The following SS18L1 variants were observed in gnomAD, a reference collection of about 807,000 sequenced individuals.
SS18L1 encodes the protein calcium-responsive transactivator.
SS18L1 carries 32 observed loss-of-function variants against 70.3 expected under a neutral mutation model. The ratio of observed to expected loss-of-function variants is 0.46; its 90% CI spans 0.34 to 0.61. The LOEUF (loss-of-function observed/expected upper bound fraction) is 0.61. Among genes scored for constraint, SS18L1 ranks in the 20% least tolerant of loss-of-function variants. SS18L1 has a pLI of 0.01. For missense variants in SS18L1, 430 were observed against 542.1 expected (o/e 0.79, Z 2.05); for synonymous variants, 237 against 229.7 (o/e 1.03, Z -0.29).
At chr20:62,144,494 G>T (rs1420023721) in intron 1 of SS18L1, among the ~76,000 whole-genome samples, 1 of 152,212 alleles carries the variant, frequency 6.6e-6, no homozygotes, top group Admixed American at 6.5e-5. Flanking sequence ...CCCCATTTGC[G>T]GGGCATCGTT....
In SS18L1 at chr20:62,172,908, G is replaced by A. The variant is rs529470381; in HGVS notation, c.1036+107G>A. ...GCCAGCAGAGCTACCCTGGGCAGCA[G>A]CAGGGCTACGGTAAGAGGCGAGCAC... On this transcript the variant is annotated intron_variant, in intron 9 of 10. Coordinates refer to ENST00000331758, the MANE Select transcript of SS18L1 (RefSeq NM_198935.3). 9.8e-5 allele frequency: 153 copies of A among 1,553,894 alleles called. 1 individual carries two copies. The highest frequency in any genetic ancestry group is 3.8e-4 in the South Asian group (32 of 84,796).
chr20:62,173,733 AGGCTCAGTGTGGT>A (rs2057572030), intron 9 of SS18L1, among the ~76,000 whole-genome samples: 1 of 151,938 alleles, frequency 6.6e-6, no homozygotes, highest in African/African-American at 2.4e-5. Context: ...AAATTACTTG[AGGCTCAGTGTGGT>A]GGCTCATGTC....
At chr20:62,168,380 TTGAAGA>T (rs2057472054) in intron 8 of SS18L1, among the ~76,000 whole-genome samples, 1 of 152,142 alleles carries the variant, frequency 6.6e-6, no homozygotes, top group African/African-American at 2.4e-5. Flanking sequence ...ATGCTTTGCT[TTGAAGA>T]GATTGGCGGA....
At chr20:62,149,561 C>G (rs58569883) in intron 1 of SS18L1, among the ~76,000 whole-genome samples, 1,809 of 152,326 alleles carry the variant, frequency 0.012, 41 homozygotes, top group African/African-American at 0.041. Context: ...TGGGGCAGGC[C>G]GGGCCTCCTG....
At chr20:62,175,976 G>T (rs982268734) in intron 10 of SS18L1, among the ~76,000 whole-genome samples, 1 of 152,248 alleles carries the variant, frequency 6.6e-6, no homozygotes, top group African/African-American at 2.4e-5. Context: ...TGTGCTGGGC[G>T]CTGGTCAGCG....
At chr20:62,146,360 C>T (rs962979609) in intron 1 of SS18L1, among the ~76,000 whole-genome samples, 1 of 152,186 alleles carries the variant, frequency 6.6e-6, no homozygotes, top group Admixed American at 6.5e-5. Flanking sequence ...TCATCTGTGA[C>T]GCTGGTCCCA....
chr20:62,165,041 C>T (rs544960718), intron 7 of SS18L1, among the ~76,000 whole-genome samples: 139 of 152,342 alleles, frequency 9.1e-4, no homozygotes, highest in African/African-American at 3.2e-3. Flanking sequence ...GCCACCCTGG[C>T]CACGTGATGG....
At chr20:62,163,745 G>GCGGGGAGCCTGGGGGAGTGAGT in intron 6 of SS18L1, 123 bp downstream of exon 6, 1 of 1,332,988 alleles carries the variant, frequency 7.5e-7, no homozygotes, top group Non-Finnish European at 9.9e-7. Flanking sequence ...GGGGAGTGAG[G>GCGGGGAGCCTGGGGGAGTGAGT]CTTGGCGCCT....
At chr20:62,149,509 C>G (rs929292205) in intron 1 of SS18L1, among the ~76,000 whole-genome samples, 5 of 152,208 alleles carry the variant, frequency 3.3e-5, no homozygotes, top group African/African-American at 1.2e-4. Flanking sequence ...CTTGGTGTTA[C>G]CAGGATGGGG....
intron 1 of SS18L1, among the ~76,000 whole-genome samples, chr20:62,150,058 C>CATGT (rs1235956427): frequency 3.9e-5 from 6 of 152,224 alleles, no homozygotes; most frequent in African/African-American, 1.4e-4. Flanking sequence ...CGTGTCTTCA[C>CATGT]ATGTTCTTAG....
chr20:62,148,330 T>C (rs1435172436), intron 1 of SS18L1, among the ~76,000 whole-genome samples: 6 of 132,680 alleles, frequency 4.5e-5, no homozygotes, highest in Non-Finnish European at 6.4e-5. Context: ...GAGGGAGGCT[T>C]GGCCTCCTTG....
At chr20:62,168,595 G>C (rs1262309399) in intron 8 of SS18L1, among the ~76,000 whole-genome samples, 1 of 152,064 alleles carries the variant, frequency 6.6e-6, no homozygotes, top group Non-Finnish European at 1.5e-5. Flanking sequence ...CAGGGCAGAG[G>C]ATCACGTGAG....
chr20:62,175,001 C>CTGTA, intron 10 of SS18L1: 13 of 857,586 alleles, frequency 1.5e-5, no homozygotes, highest in Non-Finnish European at 1.8e-5. Context: ...GCTTATGTCT[C>CTGTA]GCTACAGAGA....
At chr20:62,144,512 C>G (rs1217296029) in intron 1 of SS18L1, among the ~76,000 whole-genome samples, 1 of 152,234 alleles carries the variant, frequency 6.6e-6, no homozygotes. Flanking sequence ...GTTACGCAGC[C>G]CGGCCCCGTA....
intron 8 of SS18L1, among the ~76,000 whole-genome samples, chr20:62,166,623 A>G (rs1011977498): frequency 1.3e-5 from 2 of 151,856 alleles, no homozygotes; most frequent in African/African-American, 2.4e-5. Context: ...ATACATAATG[A>G]AAGTTTAAAA....
chr20:62,145,577 T>C (rs1229533350), intron 1 of SS18L1, among the ~76,000 whole-genome samples: 1 of 152,210 alleles, frequency 6.6e-6, no homozygotes, highest in East Asian at 1.9e-4. Flanking sequence ...CACAGTTCCA[T>C]TGAAGCTCCC....
chr20:62,150,498 G>A (rs1333911796), intron 1 of SS18L1, among the ~76,000 whole-genome samples: 3 of 152,246 alleles, frequency 2.0e-5, no homozygotes, highest in African/African-American at 7.2e-5. Context: ...TCCACGCCAT[G>A]CGTGGGGAGT....
At chr20:62,177,682 C>T (rs1010103540) in intron 10 of SS18L1, among the ~76,000 whole-genome samples, 4 of 152,306 alleles carry the variant, frequency 2.6e-5, no homozygotes, top group Non-Finnish European at 2.9e-5. Flanking sequence ...GCCTTGTGGC[C>T]TTGTGGGGCA....
chr20:62,145,869 G>A (rs1196749763), intron 1 of SS18L1, among the ~76,000 whole-genome samples: 1 of 152,236 alleles, frequency 6.6e-6, no homozygotes, highest in East Asian at 1.9e-4. Context: ...TGCCTCAGAC[G>A]TGTGCTGTGT....
Sources: allele counts gnomAD v4.1 joint callset (sites outside exome capture counted in the v4.1 genomes callset), GRCh38; gene constraint gnomAD v4.1.1; transcripts MANE v1.5; gene names NCBI Gene and HGNC (gene_info 2026-07-23, HGNC 2026-07-21).